SAMD4A: variants seen among roughly 807,000 people sequenced by gnomAD.
The protein encoded by SAMD4A is sterile alpha motif domain containing 4A, also known as protein Smaug homolog 1.
Under a neutral mutation model 81.3 loss-of-function variants are expected in SAMD4A, and 33 were observed. The observed-to-expected ratio is 0.41, with a 90% CI of 0.31 to 0.54. The LOEUF (loss-of-function observed/expected upper bound fraction) is 0.54. Among genes scored for constraint, SAMD4A ranks in the 20% least tolerant of loss-of-function variants. The pLI, the probability that SAMD4A is intolerant of heterozygous loss-of-function variation, is 0.37. For missense variants in SAMD4A, 854 were observed against 951.1 expected, an observed-to-expected ratio of 0.90 and a Z score of 1.34; for synonymous variants, 389 against 382.1, an observed-to-expected ratio of 1.02 and a Z score of -0.21.
chr14:54,725,678 T>C (rs1225160713), intron 3 of SAMD4A, among the ~76,000 whole-genome samples: 1 of 152,272 alleles, frequency 6.6e-6, no homozygotes, highest in Non-Finnish European at 1.5e-5. Flanking sequence ...AGCTAACAAC[T>C]AATATTTCTA....
chr14:54,775,245 T>TG, intron 10 of SAMD4A, 110 bp downstream of exon 10: 1 of 1,169,712 alleles, frequency 8.5e-7, no homozygotes. Flanking sequence ...GGGACTATGC[T>TG]GGGGGCAGTT....
chr14:54,776,855 AGT>A (rs34095224), intron 11 of SAMD4A, among the ~76,000 whole-genome samples: 36,748 of 149,752 alleles, frequency 0.25, 4,494 homozygotes, highest in African/African-American at 0.29. Context: ...CTCCATGTGT[AGT>A]GTGTGTGTGT....
intron 2 of SAMD4A, among the ~76,000 whole-genome samples, chr14:54,610,080 T>G (rs550436803): frequency 2.0e-5 from 3 of 152,202 alleles, no homozygotes; most frequent in Non-Finnish European, 4.4e-5. Context: ...CTCAGCAACC[T>G]AGTTTTTGTT....
intron 9 of SAMD4A, among the ~76,000 whole-genome samples, 173 bp downstream of exon 9, chr14:54,770,395 A>G (rs1426635194): frequency 1.3e-5 from 2 of 152,204 alleles, no homozygotes; most frequent in Non-Finnish European, 2.9e-5. Flanking sequence ...AAAGGCTGTG[A>G]GAGTGAGCAT....
intron 2 of SAMD4A, among the ~76,000 whole-genome samples, chr14:54,571,022 C>T (rs1161326362): frequency 1.1e-5 from 1 of 91,374 alleles, no homozygotes; most frequent in Non-Finnish European, 2.9e-5. Context: ...GGGACTCGAT[C>T]TCAGTATAAT....
intron 2 of SAMD4A, among the ~76,000 whole-genome samples, chr14:54,589,960 A>G (rs1048273196): frequency 6.6e-6 from 1 of 152,184 alleles, no homozygotes; most frequent in African/African-American, 2.4e-5. Flanking sequence ...ACCACATGGC[A>G]TATTACATTA....
intron 2 of SAMD4A, among the ~76,000 whole-genome samples, chr14:54,667,516 T>C (rs1057075366): frequency 5.9e-5 from 9 of 152,160 alleles, no homozygotes; most frequent in Non-Finnish European, 1.2e-4. Flanking sequence ...TCAGCCACAG[T>C]GTCCAGTTAC....
intron 2 of SAMD4A, among the ~76,000 whole-genome samples, chr14:54,630,888 TAATA>T (rs1363266719): frequency 1.3e-5 from 2 of 150,876 alleles, no homozygotes; most frequent in South Asian, 2.1e-4. Flanking sequence ...ATTACACATA[TAATA>T]AATCTTGTAT....
intron 2 of SAMD4A, among the ~76,000 whole-genome samples, chr14:54,600,903 T>C (rs966466920): frequency 6.6e-6 from 1 of 152,234 alleles, no homozygotes; most frequent in Non-Finnish European, 1.5e-5. Context: ...GCAAACAGCA[T>C]GCTTAGACTA....
intron 3 of SAMD4A, among the ~76,000 whole-genome samples, chr14:54,715,424 A>G (rs188471550): frequency 6.6e-6 from 1 of 152,224 alleles, no homozygotes; most frequent in East Asian, 1.9e-4. Context: ...TGAAATGTCT[A>G]GGAGAAGTGG....
At chr14:54,579,653 A>T (rs1396467452) in intron 2 of SAMD4A, among the ~76,000 whole-genome samples, 1 of 152,122 alleles carries the variant, frequency 6.6e-6, no homozygotes, top group Non-Finnish European at 1.5e-5. Flanking sequence ...TTGTTTTTCC[A>T]CTGGCTTTAA....
At chr14:54,775,499 C>T (rs1594930700) in intron 10 of SAMD4A, among the ~76,000 whole-genome samples, 1 of 152,170 alleles carries the variant, frequency 6.6e-6, no homozygotes, top group South Asian at 2.1e-4. Flanking sequence ...TTATCCATGG[C>T]AAAAAGCTCC....
intron 4 of SAMD4A, 95 bp downstream of exon 4, chr14:54,737,382 G>A: frequency 1.4e-6 from 2 of 1,434,378 alleles, no homozygotes; most frequent in African/African-American, 2.9e-5. Context: ...AAGAGAGAAG[G>A]AGCCCACCCC....
intron 2 of SAMD4A, chr14:54,685,539 T>C (rs2036244170): frequency 5.4e-6 from 2 of 370,696 alleles, no homozygotes; most frequent in African/African-American, 4.2e-5. Context: ...CCTTATGACT[T>C]GTGAATAATG....
intron 3 of SAMD4A, among the ~76,000 whole-genome samples, chr14:54,712,545 A>T (rs1419987452): frequency 6.6e-6 from 1 of 152,088 alleles, no homozygotes; most frequent in East Asian, 1.9e-4. Flanking sequence ...AGAGGACTCG[A>T]TGTTGCCACC....
At position 54,702,330 on chromosome 14, in the gene SAMD4A, G is replaced by A. The variant is rs756350600; in HGVS notation, c.465G>A (p.Ser155=). The part of the protein sequence containing the change: ...MWLNHLEDRT[S]TSFGGQNRGR... ...TGAATCACTTGGAGGACCGCACGTCGACCAGCTTTGGTGGCCAGAACCGAG... is the reference window on the plus strand; with the variant it reads ...TGAATCACTTGGAGGACCGCACGTCAACCAGCTTTGGTGGCCAGAACCGAG... The change falls in exon 3 of 13, where the codon TCG becomes TCA. Residue 155 remains serine, a synonymous_variant. Transcript: ENST00000554335. 199 of 1,611,014 alleles carry A rather than the reference G, an allele frequency of 1.2e-4. No individual in the cohort carries two copies. The highest frequency in any genetic ancestry group is 1.6e-4 in the Non-Finnish European group (187 of 1,178,064).
intron 2 of SAMD4A, among the ~76,000 whole-genome samples, chr14:54,663,590 A>T (rs918678711): frequency 6.6e-6 from 1 of 151,828 alleles, no homozygotes; most frequent in African/African-American, 2.4e-5. Context: ...TTAGGAGGGG[A>T]TTTATCCAAT....
At chr14:54,739,573 A>G (rs903453992) in intron 4 of SAMD4A, among the ~76,000 whole-genome samples, 1 of 151,962 alleles carries the variant, frequency 6.6e-6, no homozygotes, top group Non-Finnish European at 1.5e-5. Flanking sequence ...GAAGGATTCT[A>G]TTTGTGGGAA....
In SAMD4A at chr14:54,687,581, T is replaced by C. The variant is rs1450623099; in HGVS notation, c.197-14481T>C. Among the ~76,000 whole-genome samples the C allele has an allele frequency of 2.0e-5, 3 of 152,220 alleles. 1 individual carries two copies. Among genetic ancestry groups the C allele is most frequent in the Middle Eastern group, 6.3e-3 (2 of 316 alleles). ...TGACACAGAGCATCTGGGCCGGCGA[T>C]GCTTGTGATCGAGGTTAGGAATAGA... On this transcript the variant is annotated intron_variant, in intron 2 of 12. Transcript: ENST00000554335.
Sources: allele counts gnomAD v4.1 joint callset (sites outside exome capture counted in the v4.1 genomes callset), GRCh38; gene constraint gnomAD v4.1.1; transcripts MANE v1.5; gene names NCBI Gene and HGNC (gene_info 2026-07-23, HGNC 2026-07-21).